MATN2: variants seen among roughly 807,000 people sequenced by gnomAD.
MATN2 encodes matrilin-2.
Under a neutral mutation model 103.2 loss-of-function variants are expected in MATN2, and 69 were observed. That is an observed-to-expected ratio of 0.67 (90% CI 0.55 to 0.82). The LOEUF (loss-of-function observed/expected upper bound fraction) is 0.82, where lower values mean the gene tolerates loss of function less well. Ranked by LOEUF, MATN2 falls within the 40% of genes least tolerant of loss-of-function variation. The pLI is 0.00. For synonymous variants in MATN2, 429 were observed against 450.2 expected, an observed-to-expected ratio of 0.95 and a Z score of 0.60; for missense variants, 1,023 against 1,211.5, an observed-to-expected ratio of 0.84 and a Z score of 2.31.
chr8:97,960,509 G>A (rs559195372), intron 4 of MATN2, among the ~76,000 whole-genome samples: 8 of 152,106 alleles, frequency 5.3e-5, no homozygotes, highest in African/African-American at 1.7e-4. Flanking sequence ...CCATTCCTAC[G>A]TTGCATGTGA....
chr8:97,871,924 G>A (rs1166724143), intron 1 of MATN2, among the ~76,000 whole-genome samples: 2 of 152,218 alleles, frequency 1.3e-5, no homozygotes, highest in Non-Finnish European at 2.9e-5. Context: ...AAAGACCTGG[G>A]TTGCAGTTCT....
intron 5 of MATN2, among the ~76,000 whole-genome samples, chr8:97,977,604 TA>T (rs1425706867): frequency 6.6e-6 from 1 of 152,146 alleles, no homozygotes; most frequent in Non-Finnish European, 1.5e-5. Flanking sequence ...ACTGGTTTTC[TA>T]CTCTCAGATT....
chr8:97,884,879 C>T (rs1279169202), intron 1 of MATN2, among the ~76,000 whole-genome samples: 1 of 152,182 alleles, frequency 6.6e-6, no homozygotes, highest in Non-Finnish European at 1.5e-5. Flanking sequence ...TACATATGAA[C>T]CGATTGATTC....
chr8:97,978,784 A>G, intron 5 of MATN2, 102 bp from the exon 6 acceptor site: 1 of 1,120,466 alleles, frequency 8.9e-7, no homozygotes, highest in Non-Finnish European at 1.3e-6. Context: ...GGGGGCAATA[A>G]TATTAATCCT....
chr8:97,948,695 A>T (rs1810834437), intron 4 of MATN2, among the ~76,000 whole-genome samples: 1 of 152,240 alleles, frequency 6.6e-6, no homozygotes, highest in East Asian at 1.9e-4. Flanking sequence ...TCTTTACCTC[A>T]TAACATGTAT....
intron 12 of MATN2, among the ~76,000 whole-genome samples, chr8:98,019,629 G>A (rs1032696377): frequency 6.6e-6 from 1 of 152,114 alleles, no homozygotes; most frequent in African/African-American, 2.4e-5. Flanking sequence ...GTACCCAAAG[G>A]AACAGAGGGA....
chr8:97,888,182 CG>C lies in MATN2; in HGVS notation c.83del (p.Arg28LeufsTer108). On this transcript the variant is annotated frameshift_variant, in exon 2 of 19. Transcript: ENST00000254898. LOFTEE classifies it high-confidence loss of function. Reference protein sequence around the residue: ...LLPAEARERSRGRSISRGRHA... With the variant: ...LLPAEARERSXGRSISRGRHA... ...CCCTGCCGAGGCCAGGGAGCGGTCA[CG>C]TGGGAGGTCCATCTCTAGGGGCAGA... is the stretch of plus-strand genomic sequence containing the variant. The C allele has an allele frequency of 6.2e-7, 1 of 1,605,702 alleles. No individual in the cohort carries two copies. The highest frequency in any genetic ancestry group is 8.5e-7 in the Non-Finnish European group (1 of 1,175,096).
intron 6 of MATN2, among the ~76,000 whole-genome samples, chr8:97,991,676 C>T (rs531206911): frequency 1.3e-5 from 2 of 151,590 alleles, no homozygotes; most frequent in African/African-American, 4.8e-5. Context: ...GAGCTGAGAT[C>T]GTGCCACTGC....
At chr8:97,953,746 C>T (rs955195929) in intron 4 of MATN2, among the ~76,000 whole-genome samples, 4 of 149,452 alleles carry the variant, frequency 2.7e-5, no homozygotes, top group Non-Finnish European at 5.9e-5. Context: ...GCCAAGATAG[C>T]GCCATTGCAC....
At chr8:97,888,527 G>T (rs1438810155) in intron 2 of MATN2, among the ~76,000 whole-genome samples, 9 of 152,174 alleles carry the variant, frequency 5.9e-5, no homozygotes, top group Admixed American at 5.9e-4. Flanking sequence ...TGTCCTTGTT[G>T]TTGGACCTAT....
At chr8:97,940,565 A>G (rs1433046472) in intron 3 of MATN2, among the ~76,000 whole-genome samples, 1 of 152,170 alleles carries the variant, frequency 6.6e-6, no homozygotes, top group African/African-American at 2.4e-5. Flanking sequence ...CATAAACTTC[A>G]GATGGATTTA....
chr8:98,027,144 T>C (rs180706686), intron 13 of MATN2, among the ~76,000 whole-genome samples: 1 of 152,244 alleles, frequency 6.6e-6, no homozygotes, highest in Admixed American at 6.5e-5. Flanking sequence ...CAGGGTACAA[T>C]GTAGACTTGG....
intron 5 of MATN2, among the ~76,000 whole-genome samples, chr8:97,970,690 G>A (rs1811626559): frequency 6.6e-6 from 1 of 152,182 alleles, no homozygotes; most frequent in Admixed American, 6.5e-5. Flanking sequence ...GCTTATGCAT[G>A]TAATCCCAGC....
At chr8:97,935,211 C>T (rs1056866058) in intron 3 of MATN2, among the ~76,000 whole-genome samples, 3 of 152,076 alleles carry the variant, frequency 2.0e-5, no homozygotes, top group African/African-American at 7.2e-5. Context: ...TGTCACTATA[C>T]CTGGCTCTAT....
intron 1 of MATN2, 145 bp downstream of exon 1, chr8:97,869,432 C>A (rs1020010859): frequency 8.0e-5 from 11 of 136,896 alleles, no homozygotes; most frequent in African/African-American, 2.8e-4. Flanking sequence ...CCCAGCGCCC[C>A]GGGGCCCCGG....
chr8:97,903,895 A>G (rs532697791), intron 2 of MATN2, among the ~76,000 whole-genome samples: 7 of 152,350 alleles, frequency 4.6e-5, no homozygotes, highest in African/African-American at 1.7e-4. Flanking sequence ...ATGTAGTAGC[A>G]TGATAATGAA....
At chr8:98,020,040 C>T (rs940372349) in intron 12 of MATN2, among the ~76,000 whole-genome samples, 4 of 152,210 alleles carry the variant, frequency 2.6e-5, no homozygotes, top group Admixed American at 2.0e-4. Context: ...AGGGATTCCC[C>T]TCACAACTGC....
In MATN2 at chr8:98,033,581, C is replaced by T; in HGVS notation, c.2737C>T (p.His913Tyr). 6.3e-7 allele frequency: 1 copy of T among 1,595,866 alleles called. No homozygotes were observed. The change falls in exon 18 of 19, where the codon CAC (histidine) becomes TAC (tyrosine). Residue 913 changes from histidine to tyrosine, a missense_variant. Coordinates refer to ENST00000254898, the MANE Select transcript of MATN2 (RefSeq NM_002380.5). ...CTCAGGAAGCCCTTTGGAAGAAAAA[C>T]ACGATCAATGCAAATGTGAAAACCT... ...KPSGSPLEEK[H>Y]DQCKCENLIM...
chr8:98,032,158 AAGG>A, intron 15 of MATN2, 85 bp from the exon 16 acceptor site: 1 of 1,004,944 alleles, frequency 1.0e-6, no homozygotes, highest in Non-Finnish European at 1.5e-6. Flanking sequence ...GCAGGTAGGT[AAGG>A]AGGTGGTCTG....
Sources: allele counts gnomAD v4.1 joint callset (sites outside exome capture counted in the v4.1 genomes callset), GRCh38; gene constraint gnomAD v4.1.1; transcripts MANE v1.5; gene names NCBI Gene and HGNC (gene_info 2026-07-23, HGNC 2026-07-21).